Variants in DCAF5 observed in about 807,000 individuals in gnomAD.
DCAF5 encodes the protein DDB1- and CUL4-associated factor 5.
DCAF5 carries 9 observed loss-of-function variants against 80.7 expected under a neutral mutation model. The ratio of observed to expected loss-of-function variants is 0.11; its 90% CI spans 0.07 to 0.19. The LOEUF (loss-of-function observed/expected upper bound fraction) is 0.19. Among genes scored for constraint, DCAF5 ranks in the 10% least tolerant of loss-of-function variants. The pLI is 1.00. For synonymous variants in DCAF5, 433 were observed against 461.9 expected, an observed-to-expected ratio of 0.94 and a Z score of 0.80; for missense variants, 842 against 1,205.7, an observed-to-expected ratio of 0.70 and a Z score of 4.47.
At chr14:69,141,002 C>T (rs892099592) in intron 1 of DCAF5, among the ~76,000 whole-genome samples, 3 of 151,876 alleles carry the variant, frequency 2.0e-5, no homozygotes, top group East Asian at 1.9e-4. Flanking sequence ...GGTGTGGTGG[C>T]GGGCACCTCT....
rs1012398877 is a variant in DCAF5 at position 69,090,107 on chromosome 14, T to A, written c.879+1567A>T. ...ATCACCTTCACTGCATGCTCTATTA[T>A]TCAACAAAACAAGAATTACATGCAT... On this transcript the variant is annotated intron_variant, in intron 6 of 8. Coordinates refer to ENST00000341516, the MANE Select transcript of DCAF5 (RefSeq NM_003861.3). 4.1e-6 allele frequency: 4 copies of A among 985,084 alleles called. No homozygotes were observed. In the African/African-American group the frequency reaches 7.0e-5, roughly 17 times the overall value. 61.0% of individuals were successfully genotyped at this position (985,084 alleles called of 1,614,324 possible).
intron 6 of DCAF5, among the ~76,000 whole-genome samples, chr14:69,077,327 C>T (rs2038937253): frequency 6.6e-6 from 1 of 152,006 alleles, no homozygotes; most frequent in African/African-American, 2.4e-5. Context: ...TTCAGCCTCC[C>T]CAGGAGATGG....
intron 6 of DCAF5, among the ~76,000 whole-genome samples, chr14:69,086,600 T>A (rs1183569830): frequency 1.4e-5 from 2 of 145,854 alleles, no homozygotes; most frequent in African/African-American, 5.1e-5. Context: ...GTGGGCTTAA[T>A]CAGGCGTGCA....
intron 8 of DCAF5, 27 bp downstream of exon 8, chr14:69,062,357 A>G: frequency 1.2e-6 from 2 of 1,607,112 alleles, no homozygotes. Context: ...AATTTCTCTA[A>G]AAGGACAGAA....
chr14:69,069,155 A>T (rs1423504565), intron 7 of DCAF5, among the ~76,000 whole-genome samples: 1 of 152,244 alleles, frequency 6.6e-6, no homozygotes, highest in African/African-American at 2.4e-5. Context: ...CATGTCTAGA[A>T]AAAGAAGACA....
chr14:69,098,260 C>A (rs1256444247), intron 5 of DCAF5, among the ~76,000 whole-genome samples: 1 of 152,148 alleles, frequency 6.6e-6, no homozygotes, highest in Non-Finnish European at 1.5e-5. Flanking sequence ...TAGAATGTTC[C>A]TCCCTAGGTC....
chr14:69,083,999 T>C, intron 6 of DCAF5: 1 of 782,074 alleles, frequency 1.3e-6, no homozygotes, highest in Non-Finnish European at 2.4e-6. Flanking sequence ...AAATTCAGCA[T>C]AAAAGTATCA....
chr14:69,147,070 A>C (rs1379110101), intron 1 of DCAF5, among the ~76,000 whole-genome samples: 1 of 152,244 alleles, frequency 6.6e-6, no homozygotes, highest in African/African-American at 2.4e-5. Context: ...TCTACAAAAA[A>C]CTGATTTCAT....
intron 1 of DCAF5, among the ~76,000 whole-genome samples, chr14:69,141,717 A>G (rs899515705): frequency 6.6e-6 from 1 of 152,204 alleles, no homozygotes; most frequent in Non-Finnish European, 1.5e-5. Flanking sequence ...AATGAACCTT[A>G]TTAAGTAATC....
At position 69,118,660 on chromosome 14, in the gene DCAF5, A is replaced by C. The variant is rs1357436718; in HGVS notation, c.396-382T>G. Among the ~76,000 whole-genome samples, 1 of 152,174 alleles carries C rather than the reference A, an allele frequency of 6.6e-6. No individual in the cohort carries two copies. The highest frequency in any genetic ancestry group is 1.9e-4 in the East Asian group (1 of 5,190). On this transcript the variant is annotated intron_variant, in intron 3 of 8. Transcript: ENST00000341516. The surrounding 1 kb of genome is among the most constrained non-coding windows in gnomAD (Gnocchi z 4.0). ...AAGTCTGATGCCTACAGGATGGGAGAGGGGTCTCCTAGCAATCTGGCATGG... is the reference window on the plus strand; with the variant it reads ...AAGTCTGATGCCTACAGGATGGGAGCGGGGTCTCCTAGCAATCTGGCATGG...
intron 1 of DCAF5, among the ~76,000 whole-genome samples, chr14:69,139,017 G>A (rs1254266719): frequency 6.6e-6 from 1 of 151,832 alleles, no homozygotes; most frequent in Non-Finnish European, 1.5e-5. Flanking sequence ...CAGGTGTGAT[G>A]GCACGTGCTT....
At chr14:69,098,140 G>C (rs1018850720) in intron 5 of DCAF5, among the ~76,000 whole-genome samples, 1 of 69,604 alleles carries the variant, frequency 1.4e-5, no homozygotes, top group Non-Finnish European at 3.0e-5. Flanking sequence ...CCACCTCCTA[G>C]GACTCTCTTA....
chr14:69,128,508 A>G (rs1335516260), intron 1 of DCAF5, among the ~76,000 whole-genome samples: 1 of 152,194 alleles, frequency 6.6e-6, no homozygotes, highest in African/African-American at 2.4e-5. Flanking sequence ...GTTTTGGATT[A>G]TGTTTAATGT....
At chr14:69,080,653 G>A (rs534187145) in intron 6 of DCAF5, among the ~76,000 whole-genome samples, 2 of 152,096 alleles carry the variant, frequency 1.3e-5, no homozygotes, top group Non-Finnish European at 1.5e-5. Context: ...AAATGCTTCT[G>A]GCCTAGATAA....
chr14:69,146,914 C>T (rs901387723), intron 1 of DCAF5, among the ~76,000 whole-genome samples: 4 of 152,208 alleles, frequency 2.6e-5, no homozygotes, highest in Non-Finnish European at 5.9e-5. Context: ...ACCTGCTCTA[C>T]CACTGGCCAT....
chr14:69,117,966 T>C (rs1289065984), intron 4 of DCAF5, among the ~76,000 whole-genome samples, 173 bp downstream of exon 4: 1 of 152,164 alleles, frequency 6.6e-6, no homozygotes, highest in Non-Finnish European at 1.5e-5. Flanking sequence ...CCTGAGTATT[T>C]AGGTGGAGGA....
intron 5 of DCAF5, among the ~76,000 whole-genome samples, chr14:69,104,597 T>TTTGG (rs2140014144): frequency 6.6e-6 from 1 of 152,206 alleles, no homozygotes; most frequent in Non-Finnish European, 1.5e-5. Flanking sequence ...GGCTCACGTC[T>TTTGG]GTAATCCCAG....
At position 69,091,828 on chromosome 14, in the gene DCAF5, T is replaced by C. The variant is rs780367161; in HGVS notation, c.725A>G (p.Asn242Ser). 1.2e-6 allele frequency: 2 copies of C among 1,614,084 alleles called. No homozygotes were observed. The highest frequency in any genetic ancestry group is 1.7e-6 in the Non-Finnish European group (2 of 1,179,996). ...GGCCAGGAGCTGGGTCCCGTTGCTG[T>C]TGAATCGTACACTCATGGCACTTTG... ...SLQSAMSVRF[N>S]SNGTQLLALR... The change falls in exon 6 of 9, where the codon AAC (asparagine) becomes AGC (serine). Residue 242 changes from asparagine (N) to serine (S), a missense_variant. Asn to Ser is a conservative substitution (Grantham distance 46). Coordinates refer to ENST00000341516, the MANE Select transcript of DCAF5 (RefSeq NM_003861.3).
Position 69,053,914 on chromosome 14 carries a change from A to C in DCAF5, c.2772T>G (p.Ile924Met). 6.2e-7 allele frequency: 1 copy of C among 1,612,194 alleles called. No individual in the cohort carries two copies. Among genetic ancestry groups the C allele is most frequent in the South Asian group, 1.1e-5 (1 of 90,628 alleles). ...HGHSGLKRQR[I>M]ELEDTDSENS... ...TCTCTGAATCTGTATCTTCCAATTC[A>C]ATTCGTTGCCTTTTGAGGCCACTGT... The change falls in exon 9 of 9, where the codon ATT (isoleucine) becomes ATG (methionine). Residue 924 changes from isoleucine to methionine, a missense_variant. Coordinates refer to ENST00000341516, the MANE Select transcript of DCAF5 (RefSeq NM_003861.3).
Sources: allele counts gnomAD v4.1 joint callset (sites outside exome capture counted in the v4.1 genomes callset), GRCh38; gene constraint gnomAD v4.1.1; non-coding constraint Gnocchi (gnomAD v3.1); transcripts MANE v1.5; gene names NCBI Gene and HGNC (gene_info 2026-07-23, HGNC 2026-07-21).